The following NUMA1 variants were observed in gnomAD, a reference collection of about 807,000 sequenced individuals.
The protein encoded by NUMA1 is nuclear mitotic apparatus protein 1.
NUMA1 carries 62 observed loss-of-function variants against 237.1 expected under a neutral mutation model. The observed-to-expected ratio is 0.26, with a 90% confidence interval of 0.21 to 0.32. The LOEUF is 0.32. NUMA1 is among the 10% of genes least tolerant of loss of function. NUMA1 has a pLI of 1.00. For synonymous variants in NUMA1, 1,028 were observed against 1,066.1 expected (o/e 0.96, Z 0.70); for missense variants, 2,533 against 2,666.5 (o/e 0.95, Z 1.10).
At chr11:72,005,112 T>G (rs1398800578) in intron 23 of NUMA1, 121 bp downstream of exon 23, 2 of 1,177,012 alleles carry the variant, frequency 1.7e-6, no homozygotes, top group Non-Finnish European at 2.3e-6. Flanking sequence ...CATGAGAAGG[T>G]CACCCTCCCC....
At chr11:72,047,453 A>T (rs1942065450) in intron 2 of NUMA1, among the ~76,000 whole-genome samples, 1 of 151,654 alleles carries the variant, frequency 6.6e-6, no homozygotes, top group Non-Finnish European at 1.5e-5. Flanking sequence ...ATGCCACTGC[A>T]CTCTAGCCTG....
chr11:72,017,379 C>A, intron 13 of NUMA1: 1 of 417,910 alleles, frequency 2.4e-6, no homozygotes, highest in Non-Finnish European at 4.5e-6. Context: ...GTTACTACTC[C>A]CATTTTAGGG....
chr11:72,007,385 G>C lies in NUMA1; in HGVS notation c.5267C>G (p.Ala1756Gly), dbSNP rs995041558. Residue 1756 changes from alanine (A) to glycine (G), a missense_variant, in exon 21 of 27, where the codon GCC becomes GGC. This residue lies in a region of NUMA1 where 795 missense variants were observed against 750.8 expected (regional missense o/e 1.06). Transcript: ENST00000393695. ...PDGTSVPGEP[A>G]SPISQRLPPK... is the part of the protein sequence containing the mutation. ...GGGCAGGCGCTGGGAGATAGGTGAG[G>C]CTGGTTCTCCAGGGACGCTGGTGCC... The C allele has an allele frequency of 6.2e-7, 1 of 1,613,858 alleles. No homozygotes were observed. Among genetic ancestry groups the C allele is most frequent in the Non-Finnish European group, 8.5e-7 (1 of 1,179,944 alleles).
chr11:72,017,449 CAG>C, intron 13 of NUMA1: 1 of 550,188 alleles, frequency 1.8e-6, no homozygotes, highest in South Asian at 2.1e-5. Flanking sequence ...TTGTGAACAG[CAG>C]AGATAGGATT....
At chr11:72,023,719 C>T (rs1203343817) in intron 5 of NUMA1, among the ~76,000 whole-genome samples, 2 of 152,108 alleles carry the variant, frequency 1.3e-5, no homozygotes, top group Non-Finnish European at 2.9e-5. Flanking sequence ...AACTGAAAAG[C>T]ACTGTACTAG....
chr11:72,047,395 G>C (rs1023478777), intron 2 of NUMA1, among the ~76,000 whole-genome samples: 1 of 152,106 alleles, frequency 6.6e-6, no homozygotes, highest in Non-Finnish European at 1.5e-5. Context: ...GGCTGAGGTG[G>C]GAGGATTGCT....
At chr11:72,007,463 A>G (rs755521311) in intron 20 of NUMA1, 28 bp from the exon 21 acceptor site, 12 of 1,610,894 alleles carry the variant, frequency 7.4e-6, no homozygotes, top group Non-Finnish European at 9.3e-6. Context: ...GCTGAGGTAC[A>G]GTCCTTCACG....
chr11:72,008,744 C>T lies in NUMA1; in HGVS notation c.5160G>A (p.Leu1720=), dbSNP rs766043888. The T allele has an allele frequency of 6.2e-7, 1 of 1,614,116 alleles. No individual in the cohort carries two copies. The highest frequency in any genetic ancestry group is 1.7e-5 in the Admixed American group (1 of 60,024). ...AGCTCAGATCCAGGCTGTCAATACT[C>T]AAGTCCAGCTGGGGCTTAGCCTGGG... ...REPQAKPQLD[L]SIDSLDLSCE... is the part of the protein sequence containing the mutation. The change falls in exon 20 of 27, where the codon TTG becomes TTA. Residue 1720 remains leucine, a synonymous_variant. Transcript: ENST00000393695.
chr11:72,017,514 A>T, intron 13 of NUMA1, 173 bp downstream of exon 13: 3 of 470,364 alleles, frequency 6.4e-6, no homozygotes, highest in East Asian at 4.4e-5. Flanking sequence ...AAAATAAGTT[A>T]AAAAAAAAAG....
At chr11:72,074,556 T>C (rs976509189) in intron 1 of NUMA1, among the ~76,000 whole-genome samples, 1 of 151,910 alleles carries the variant, frequency 6.6e-6, no homozygotes, top group Non-Finnish European at 1.5e-5. Context: ...CTGGGCAACA[T>C]AGTGAGACCT....
intron 4 of NUMA1, among the ~76,000 whole-genome samples, chr11:72,028,450 TAAAAAAAAAAA>T (rs11300189): frequency 9.3e-5 from 7 of 75,368 alleles, no homozygotes; most frequent in Admixed American, 5.2e-4. Flanking sequence ...TGCTTTTTCT[TAAAAAAAAAAA>T]AAAAAAAAAA....
chr11:72,009,025 T>C lies in NUMA1; in HGVS notation c.5000A>G (p.Lys1667Arg). ...HELQQAGLKT[K>R]EAEQTCRHLT... ...GTGGCGGCAGGTCTGTTCAGCCTCC[T>C]TGGTCTTCAGCCCAGCCTGCTGTAG... The change falls in exon 19 of 27, where the codon AAG (lysine) becomes AGG (arginine). Residue 1667 changes from lysine to arginine, a missense_variant. By Grantham distance (26) the Lys-to-Arg change is conservative (BLOSUM62 2). Around this residue, in one of 3 missense-constraint regions of NUMA1, gnomAD observed 795 missense variants for 750.8 expected, o/e 1.06. Transcript: ENST00000393695. The C allele has an allele frequency of 6.2e-7, 1 of 1,613,822 alleles. No individual in the cohort carries two copies. Among genetic ancestry groups the C allele is most frequent in the Non-Finnish European group, 8.5e-7 (1 of 1,180,014 alleles).
chr11:72,003,450 G>A lies in NUMA1; in HGVS notation c.*77C>T, dbSNP rs1046523053. On this transcript the variant is annotated 3_prime_UTR_variant, in exon 27 of 27. Transcript: ENST00000393695. Reference sequence around the variant, plus strand: ...GGCCTGGGAGCTGAGAGAAGGCACTGAGAGGGACAGTAGGCGGAGGACCAG... The same window carrying A: ...GGCCTGGGAGCTGAGAGAAGGCACTAAGAGGGACAGTAGGCGGAGGACCAG... 2.1e-6 allele frequency: 3 copies of A among 1,430,538 alleles called. No homozygotes were observed. The African/African-American group carries it at 4.2e-5, about 20-fold the overall frequency. 88.6% of individuals were successfully genotyped at this position (1,430,538 alleles called of 1,614,324 possible). A position where few individuals can be genotyped will look rare whatever the true frequency, so the allele number is the denominator to read the frequency against.
intron 1 of NUMA1, among the ~76,000 whole-genome samples, chr11:72,078,392 A>G (rs1943816596): frequency 2.0e-5 from 3 of 152,258 alleles, no homozygotes; most frequent in Admixed American, 1.3e-4. Flanking sequence ...CAATAACTGC[A>G]ATTACTTTTG....
rs375108159 is a variant in NUMA1 at position 72,012,383 on chromosome 11, G to A, written c.4650+18C>T. 6.4e-5 allele frequency: 103 copies of A among 1,611,590 alleles called. No individual in the cohort carries two copies. Among genetic ancestry groups the A allele is most frequent in the Admixed American group, 3.3e-4 (20 of 59,894 alleles). On this transcript the variant is annotated intron_variant, in intron 16 of 26. Coordinates refer to ENST00000393695, the MANE Select transcript of NUMA1 (RefSeq NM_006185.4). ...ACCGTTTAAGCAGCCAGCATTTAGC[G>A]AGGACCTCAGGCATTACCTGCTTAG...
chr11:72,078,851 T>A (rs776548438), intron 1 of NUMA1, among the ~76,000 whole-genome samples: 9 of 152,100 alleles, frequency 5.9e-5, no homozygotes, highest in Non-Finnish European at 1.2e-4. Context: ...CGCCCCAGGT[T>A]CCCATATATT....
rs141331520 is a variant in NUMA1, at chr11:72,006,226, G to A, written c.5501C>T (p.Ser1834Leu). The A allele has an allele frequency of 1.9e-5, 31 of 1,614,074 alleles. No homozygotes were observed. The highest frequency in any genetic ancestry group is 4.0e-5 in the African/African-American group (3 of 74,940). The change falls in exon 22 of 27, where the codon TCG becomes TTG. Residue 1834 changes from serine to leucine, a missense_variant. By Grantham distance (145) the Ser-to-Leu change is moderately radical. This residue lies in a region of NUMA1 where 795 missense variants were observed against 750.8 expected (regional missense o/e 1.06). Transcript: ENST00000393695. ...AGGAGCAGACCGCGTGCTGTAGAAC[G>A]ATGAGTTGGCGCTGTCTGGCTCTTC... The part of the protein sequence containing the change: ...DVEEPDSANS[S>L]FYSTRSAPAS...
intron 17 of NUMA1, 22 bp downstream of exon 17, chr11:72,010,763 AC>A (rs1565199511): frequency 2.5e-6 from 4 of 1,610,794 alleles, no homozygotes; most frequent in Non-Finnish European, 3.4e-6. Context: ...CAGAGGCCAG[AC>A]CCATTCCCCC....
chr11:72,047,661 T>A (rs1487999864), intron 2 of NUMA1, among the ~76,000 whole-genome samples: 1 of 151,526 alleles, frequency 6.6e-6, no homozygotes, highest in Non-Finnish European at 1.5e-5. Context: ...CCCTCCACTC[T>A]GCCAGGCAGG....
Sources: gnomAD v4.1 joint callset for allele counts (sites outside exome capture counted in the v4.1 genomes callset) on GRCh38, gnomAD v4.1.1 for gene constraint, gnomAD v4.1.1 regional missense constraint, MANE v1.5 for transcripts, NCBI Gene and HGNC (gene_info 2026-07-23, HGNC 2026-07-21) for gene names.